The following ACP3 variants were observed in gnomAD, a reference collection of about 807,000 sequenced individuals.
The protein encoded by ACP3 is acid phosphatase 3, also known as prostatic acid phosphatase.
In ACP3, 38 loss-of-function variants were observed where a neutral mutation model predicts 45.6. The ratio of observed to expected loss-of-function variants is 0.83; its 90% confidence interval spans 0.64 to 1.09. The LOEUF (loss-of-function observed/expected upper bound fraction) is 1.09. Among genes scored for constraint, ACP3 ranks in the 50% least tolerant of loss-of-function variants. ACP3 has a pLI of 0.00. For missense variants in ACP3, 466 were observed against 463.2 expected (o/e 1.01, Z -0.05); for synonymous variants, 162 against 164.7 (o/e 0.98, Z 0.13).
intron 7 of ACP3, among the ~76,000 whole-genome samples, chr3:132,346,851 C>T (rs966836794): frequency 3.9e-5 from 6 of 152,230 alleles, no homozygotes; most frequent in Non-Finnish European, 8.8e-5. Flanking sequence ...TCAACTACCA[C>T]CTGGCTAGAA....
At chr3:132,342,488 AT>A in intron 5 of ACP3, 63 bp from the exon 6 acceptor site, 1 of 1,177,712 alleles carries the variant, frequency 8.5e-7, no homozygotes, top group Non-Finnish European at 1.2e-6. Context: ...CTGGCCCAAA[AT>A]ATCAATAATG....
At chr3:132,366,860 A>G (rs962867441) in intron 10 of ACP3, among the ~76,000 whole-genome samples, 2 of 152,140 alleles carry the variant, frequency 1.3e-5, no homozygotes, top group African/African-American at 4.8e-5. Context: ...TCTGCTTCTT[A>G]TTTTCCTCAT....
intron 4 of ACP3, among the ~76,000 whole-genome samples, chr3:132,336,139 A>G (rs904756199): frequency 3.3e-5 from 5 of 152,160 alleles, no homozygotes; most frequent in Non-Finnish European, 5.9e-5. Flanking sequence ...AGGCGCCTGT[A>G]GTCCCAGCTA....
At chr3:132,328,032 G>C (rs754914285) in intron 1 of ACP3, among the ~76,000 whole-genome samples, 9 of 152,096 alleles carry the variant, frequency 5.9e-5, no homozygotes, top group Non-Finnish European at 1.0e-4. Flanking sequence ...CTTAACTAGA[G>C]ATTTACCCAG....
In ACP3 at chr3:132,349,954, G is replaced by A. The variant is rs2228403; in HGVS notation, c.816G>A (p.Lys272=). ...VLVNEILNHM[K]RATQIPSYKK... ...TCAATGAAATCCTCAATCACATGAA[G>A]AGAGCAACTCAGATACCAAGCTACA... The change falls in exon 8 of 10, where the codon AAG becomes AAA. Residue 272 remains lysine (K), a synonymous_variant. Coordinates refer to ENST00000336375, the MANE Select transcript of ACP3 (RefSeq NM_001099.5). 21,056 of 1,612,874 alleles carry A rather than the reference G, an allele frequency of 0.013. 163 individuals are homozygous for A. The highest frequency in any genetic ancestry group is 0.015 in the Non-Finnish European group (17,944 of 1,178,964).
At chr3:132,359,366 G>A (rs1427308992), downstream of ACP3, among the ~76,000 whole-genome samples, 2 of 152,072 alleles carry the variant, frequency 1.3e-5, no homozygotes, top group Non-Finnish European at 2.9e-5. Flanking sequence ...CAAAAAGCCG[G>A]GCATGGTGGC....
At chr3:132,353,535 C>T (rs1029486062) in intron 9 of ACP3, among the ~76,000 whole-genome samples, 4 of 152,200 alleles carry the variant, frequency 2.6e-5, no homozygotes, top group African/African-American at 9.6e-5. Context: ...TGGAACAAGT[C>T]ACCAGACTTC....
intron 1 of ACP3, among the ~76,000 whole-genome samples, chr3:132,320,061 A>G (rs1226048270): frequency 6.6e-6 from 1 of 152,234 alleles, no homozygotes; most frequent in Non-Finnish European, 1.5e-5. Context: ...ATCAGTTTCA[A>G]TAGTCAAGTT....
At chr3:132,320,690 G>A (rs182307015) in intron 1 of ACP3, among the ~76,000 whole-genome samples, 229 of 144,598 alleles carry the variant, frequency 1.6e-3, no homozygotes, top group African/African-American at 5.4e-3. Context: ...TTACTCTGTC[G>A]CCCAGGCTGG....
chr3:132,358,157 A>G lies in ACP3; in HGVS notation c.*1279A>G, dbSNP rs961850420. The G allele has an allele frequency of 3.0e-6, 2 of 675,218 alleles. No individual in the cohort carries two copies. The highest frequency in any genetic ancestry group is 3.9e-5 in the African/African-American group (2 of 51,168). The allele number at this position is 675,218 out of a possible 1,614,324, so 41.8% of individuals were successfully genotyped here. A position where few individuals can be genotyped will look rare whatever the true frequency, so the allele number is the denominator to read the frequency against. ...GTAATCCTTGCATTTTGGAAGGCTG[A>G]GGCAGGAGGATCACTTTAGGCCTGG... On this transcript the variant is annotated 3_prime_UTR_variant, in exon 10 of 10. Coordinates refer to ENST00000336375, the MANE Select transcript of ACP3 (RefSeq NM_001099.5).
In ACP3 at chr3:132,318,671, T is replaced by C. The variant is rs957873898; in HGVS notation, c.120+1095T>C. Among the ~76,000 whole-genome samples the C allele has an allele frequency of 3.3e-5, 5 of 152,104 alleles. No individual in the cohort carries two copies. In the East Asian group the frequency reaches 9.6e-4, roughly 29 times the overall value. Reference sequence around the variant, plus strand: ...AACAAACTATCAATTTATTTACAAATGATTCACCAGCTGTCAGACTTCTGT... The same window carrying C: ...AACAAACTATCAATTTATTTACAAACGATTCACCAGCTGTCAGACTTCTGT... On this transcript the variant is annotated intron_variant, in intron 1 of 9. Transcript: ENST00000336375.
At chr3:132,355,515 A>ATTTTAT (rs1559843046) in intron 9 of ACP3, among the ~76,000 whole-genome samples, 1 of 137,904 alleles carries the variant, frequency 7.3e-6, no homozygotes, top group Non-Finnish European at 1.6e-5. Flanking sequence ...TTTTATTTTT[A>ATTTTAT]TTTTATTTTA....
rs1937933246 is a variant in ACP3 at position 132,357,396 on chromosome 3, G to GA, written c.*521dup. 7 of 985,264 alleles carry GA rather than the reference G, an allele frequency of 7.1e-6. No individual in the cohort carries two copies. Among genetic ancestry groups the GA allele is most frequent in the Non-Finnish European group, 8.4e-6 (7 of 829,926 alleles). 61.0% of individuals were successfully genotyped at this position (985,264 alleles called of 1,614,324 possible). A position where few individuals can be genotyped will look rare whatever the true frequency, so the allele number is the denominator to read the frequency against. On this transcript the variant is annotated 3_prime_UTR_variant, in exon 10 of 10. Coordinates refer to ENST00000336375, the MANE Select transcript of ACP3 (RefSeq NM_001099.5). The stretch of plus-strand genomic sequence containing the variant: ...CAGCCTTCTCTCAAGGAGAGGCAAA[G>GA]AAAGGAGATACAGTGGAGACATCTG...
intron 1 of ACP3, among the ~76,000 whole-genome samples, chr3:132,327,793 C>A (rs1249319624): frequency 8.0e-5 from 12 of 149,518 alleles, no homozygotes; most frequent in Admixed American, 1.3e-4. Flanking sequence ...GACACTGTTT[C>A]AAAAAAAAAA....
rs1006504126 is a variant in ACP3 at position 132,341,376 on chromosome 3, T to C, written c.556-1176T>C. ...CTCCTGAATGATTGTTTTAACATTT[T>C]TTAATACAATCAAATTATTTTTCTC... is the stretch of plus-strand genomic sequence containing the variant. On this transcript the variant is annotated intron_variant, in intron 5 of 9. Transcript: ENST00000336375. Among the ~76,000 whole-genome samples, 4 of 152,352 alleles carry C rather than the reference T, an allele frequency of 2.6e-5. No homozygotes were observed. In the South Asian group the frequency reaches 6.2e-4, roughly 24 times the overall value.
chr3:132,329,319 C>T (rs1937357998), intron 2 of ACP3, among the ~76,000 whole-genome samples: 1 of 152,028 alleles, frequency 6.6e-6, no homozygotes, highest in South Asian at 2.1e-4. Flanking sequence ...TTGATGTCTG[C>T]CTGGGAGGTT....
chr3:132,354,165 C>T (rs1443628353), intron 9 of ACP3, among the ~76,000 whole-genome samples: 1 of 152,168 alleles, frequency 6.6e-6, no homozygotes, highest in Non-Finnish European at 1.5e-5. Context: ...AAGGCCAGCT[C>T]TGGGCACAGA....
At chr3:132,352,390 G>A (rs1937768912) in intron 8 of ACP3, among the ~76,000 whole-genome samples, 1 of 150,522 alleles carries the variant, frequency 6.6e-6, no homozygotes, top group South Asian at 2.1e-4. Context: ...TAGGGATGGG[G>A]TTTCACCATG....
intron 4 of ACP3, among the ~76,000 whole-genome samples, chr3:132,336,132 C>T (rs948353349): frequency 2.0e-5 from 3 of 151,984 alleles, no homozygotes; most frequent in East Asian, 1.9e-4. Flanking sequence ...TGGTGGCAGG[C>T]GCCTGTAGTC....
Sources: gnomAD v4.1 joint callset for allele counts (sites outside exome capture counted in the v4.1 genomes callset) on GRCh38, gnomAD v4.1.1 for gene constraint, MANE v1.5 for transcripts, NCBI Gene and HGNC (gene_info 2026-07-23, HGNC 2026-07-21) for gene names.